The following LIN52 variants were observed in gnomAD, a reference collection of about 807,000 sequenced individuals.
LIN52 encodes lin-52 DREAM MuvB core complex component, also known as protein lin-52 homolog.
In LIN52, 4 loss-of-function variants were observed where a neutral mutation model predicts 18.5. The observed-to-expected ratio is 0.22, with a 90% CI of 0.11 to 0.49. LIN52 has a LOEUF of 0.49. Among genes scored for constraint, LIN52 ranks in the 20% least tolerant of loss-of-function variants. The pLI is 0.97. For missense variants in LIN52, 102 were observed against 139.5 expected, an observed-to-expected ratio of 0.73 and a Z score of 1.35; for synonymous variants, 34 against 45.5, an observed-to-expected ratio of 0.75 and a Z score of 1.02.
intron 5 of LIN52, among the ~76,000 whole-genome samples, chr14:74,181,065 G>A (rs2139585128): frequency 7.0e-6 from 1 of 142,516 alleles, no homozygotes; most frequent in Middle Eastern, 3.7e-3. Context: ...CTGTGATCAT[G>A]CCACTGCACT....
intron 5 of LIN52, among the ~76,000 whole-genome samples, chr14:74,196,655 A>G (rs1566872664): frequency 6.6e-6 from 1 of 152,018 alleles, no homozygotes; most frequent in African/African-American, 2.4e-5. Context: ...GATTCCAAGG[A>G]ACGGAGTTTT....
intron 3 of LIN52, 43 bp downstream of exon 3, chr14:74,096,028 G>T: frequency 7.4e-7 from 1 of 1,346,518 alleles, no homozygotes; most frequent in Non-Finnish European, 1.0e-6. Context: ...CCAAAGTTTC[G>T]CTCCTGAGTA....
At chr14:74,190,083 A>G (rs2061357001) in intron 5 of LIN52, among the ~76,000 whole-genome samples, 1 of 152,196 alleles carries the variant, frequency 6.6e-6, no homozygotes. Context: ...CCAGTTCAAC[A>G]TAGCAAGACC....
intron 5 of LIN52, among the ~76,000 whole-genome samples, chr14:74,112,582 G>A (rs912901677): frequency 6.6e-6 from 1 of 152,154 alleles, no homozygotes; most frequent in African/African-American, 2.4e-5. Flanking sequence ...ATCAGGCAAT[G>A]CTCTATTACA....
intron 5 of LIN52, among the ~76,000 whole-genome samples, chr14:74,143,188 A>G (rs2061139284): frequency 6.6e-6 from 1 of 152,110 alleles, no homozygotes; most frequent in Non-Finnish European, 1.5e-5. Flanking sequence ...GTTTAACAGA[A>G]CATCTTTCTT....
At chr14:74,134,087 C>T (rs889189055) in intron 5 of LIN52, among the ~76,000 whole-genome samples, 2 of 152,224 alleles carry the variant, frequency 1.3e-5, no homozygotes, top group Non-Finnish European at 2.9e-5. Flanking sequence ...TGATTTATCC[C>T]TAGTCAGCTC....
At chr14:74,150,419 G>A (rs1023369782) in intron 5 of LIN52, among the ~76,000 whole-genome samples, 10 of 152,146 alleles carry the variant, frequency 6.6e-5, no homozygotes, top group African/African-American at 2.4e-4. Context: ...GAATGATGAA[G>A]CTAGACACAA....
rs944453300 is a variant in LIN52, at chr14:74,159,576, T to G, written c.284-39346T>G. Among the ~76,000 whole-genome samples the G allele has an allele frequency of 8.5e-4, 127 of 150,216 alleles. 1 individual carries two copies. In the South Asian group the frequency reaches 0.016, roughly 19 times the overall value. Reference sequence around the variant, plus strand: ...CTCATATGTGGGGTTTGTTTTTTTTTTTTTTTTTTTTGGTGAGATGGAGTC... The same window carrying G: ...CTCATATGTGGGGTTTGTTTTTTTTGTTTTTTTTTTTGGTGAGATGGAGTC... On this transcript the variant is annotated intron_variant, in intron 5 of 5. Transcript: ENST00000555028.
Position 74,122,672 on chromosome 14 carries a change from C to G in LIN52, c.283+21434C>G, listed in dbSNP as rs1047449575. On this transcript the variant is annotated intron_variant, in intron 5 of 5. Coordinates refer to ENST00000555028, the MANE Select transcript of LIN52 (RefSeq NM_001024674.3). ...CTTGAGGTCAGGAGTTTGAGATCAGCCTGACCAACATGGTGAAACCCTGTC... is the reference window on the plus strand; with the variant it reads ...CTTGAGGTCAGGAGTTTGAGATCAGGCTGACCAACATGGTGAAACCCTGTC... 7.9e-5 allele frequency among the ~76,000 whole-genome samples: 12 copies of G among 152,192 alleles called. No homozygotes were observed. The South Asian group carries it at 8.3e-4, about 11-fold the overall frequency.
At chr14:74,114,536 C>G in intron 5 of LIN52, 1 of 605,986 alleles carries the variant, frequency 1.7e-6, no homozygotes, top group Non-Finnish European at 2.1e-6. Flanking sequence ...TAGAGCTTAC[C>G]ATGATGTTTT....
At chr14:74,190,426 C>G (rs2061359034) in intron 5 of LIN52, among the ~76,000 whole-genome samples, 1 of 124,462 alleles carries the variant, frequency 8.0e-6, no homozygotes. Context: ...GAGTCTTACC[C>G]TGTCACCCAG....
chr14:74,101,708 C>T (rs182510324), intron 5 of LIN52, among the ~76,000 whole-genome samples: 204 of 152,298 alleles, frequency 1.3e-3, no homozygotes, highest in African/African-American at 4.7e-3. Context: ...GATCCGCCCG[C>T]CTCGGCCTCC....
chr14:74,192,031 A>T (rs1405340807), intron 5 of LIN52, among the ~76,000 whole-genome samples: 1 of 152,238 alleles, frequency 6.6e-6, no homozygotes, highest in African/African-American at 2.4e-5. Flanking sequence ...TACTCCAGCC[A>T]GGCTTAATAC....
intron 5 of LIN52, among the ~76,000 whole-genome samples, chr14:74,175,723 C>T (rs887301057): frequency 7.0e-6 from 1 of 143,436 alleles, no homozygotes; most frequent in Non-Finnish European, 1.5e-5. Context: ...CACACACACA[C>T]ACACACACAC....
At chr14:74,143,714 G>T (rs575371406) in intron 5 of LIN52, among the ~76,000 whole-genome samples, 12 of 152,118 alleles carry the variant, frequency 7.9e-5, no homozygotes, top group African/African-American at 2.9e-4. Flanking sequence ...ATTCACATAT[G>T]TTGTATAAAG....
intron 5 of LIN52, among the ~76,000 whole-genome samples, chr14:74,130,277 G>GGTTTTTTTTTT (rs1555382568): frequency 4.3e-5 from 2 of 46,426 alleles, no homozygotes; most frequent in African/African-American, 3.6e-4. Flanking sequence ...GGCATTTTTT[G>GGTTTTTTTTTT]GTTTTTTTTT....
intron 5 of LIN52, among the ~76,000 whole-genome samples, chr14:74,166,667 G>T (rs1174813820): frequency 6.6e-6 from 1 of 152,034 alleles, no homozygotes; most frequent in Non-Finnish European, 1.5e-5. Context: ...AAAATTCAAG[G>T]CTTTAGCAAT....
At chr14:74,180,622 G>T (rs1291785149) in intron 5 of LIN52, among the ~76,000 whole-genome samples, 1 of 152,062 alleles carries the variant, frequency 6.6e-6, no homozygotes, top group African/African-American at 2.4e-5. Context: ...ATTTGCAATT[G>T]TAAGAGCACA....
intron 5 of LIN52, chr14:74,192,492 G>A (rs778935158): frequency 1.9e-4 from 30 of 160,530 alleles, no homozygotes; most frequent in Non-Finnish European, 3.4e-4. Context: ...CACCATGTTG[G>A]CCAGGCTGGT....
Sources: gnomAD v4.1 joint callset for allele counts (sites outside exome capture counted in the v4.1 genomes callset) on GRCh38, gnomAD v4.1.1 for gene constraint, MANE v1.5 for transcripts, NCBI Gene and HGNC (gene_info 2026-07-23, HGNC 2026-07-21) for gene names.